Variants in RACGAP1 observed in about 807,000 individuals in gnomAD.
RACGAP1 encodes Rac GTPase activating protein 1, also known as rac GTPase-activating protein 1.
In RACGAP1, 30 loss-of-function variants were observed where a neutral mutation model predicts 78.1. The observed-to-expected ratio is 0.38, with a 90% CI of 0.29 to 0.52. The LOEUF (loss-of-function observed/expected upper bound fraction) is 0.52. RACGAP1 is among the 20% of genes least tolerant of loss of function. The pLI is 0.82. For synonymous variants in RACGAP1, 231 were observed against 264.8 expected, an observed-to-expected ratio of 0.87 and a Z score of 1.24; for missense variants, 587 against 777.1, an observed-to-expected ratio of 0.76 and a Z score of 2.91.
intron 1 of RACGAP1, among the ~76,000 whole-genome samples, chr12:50,020,389 G>A (rs1949943103): frequency 6.6e-6 from 1 of 150,642 alleles, no homozygotes; most frequent in Admixed American, 6.7e-5. Flanking sequence ...TCACCAAGTT[G>A]GTCAGGCTGG....
rs7294518 is a variant in RACGAP1 at position 49,994,087 on chromosome 12, C to T, written c.1339+44G>A. On this transcript the variant is annotated intron_variant, in intron 12 of 16. Transcript: ENST00000312377. ...AAAATAAAGAGAGTAAGAAAAACTA[C>T]TGCCGTGGAGGAATTCATATTCAAG... 19,833 of 1,487,214 alleles carry T rather than the reference C, an allele frequency of 0.013. 2,315 individuals are homozygous for T. The African/African-American group carries it at 0.25, about 19-fold the overall frequency. The allele number at this position is 1,487,214 out of a possible 1,614,324, so 92.1% of individuals were successfully genotyped here.
At chr12:50,014,645 C>T (rs752566940) in intron 2 of RACGAP1, among the ~76,000 whole-genome samples, 24 of 152,174 alleles carry the variant, frequency 1.6e-4, no homozygotes, top group Non-Finnish European at 3.4e-4. Flanking sequence ...TTACTGCAAC[C>T]TCTGCCTCCC....
chr12:49,994,542 T>C (rs1432791073), intron 10 of RACGAP1, 33 bp from the exon 11 acceptor site: 2 of 1,600,896 alleles, frequency 1.2e-6, no homozygotes, highest in African/African-American at 2.7e-5. Flanking sequence ...AATTATTATT[T>C]ACGCCATGTA....
At chr12:50,017,076 T>C in intron 1 of RACGAP1, 2 of 1,018,836 alleles carry the variant, frequency 2.0e-6, no homozygotes, top group Non-Finnish European at 2.3e-6. Context: ...ATAATAATTT[T>C]GCCAGTTTAT....
intron 1 of RACGAP1, chr12:50,018,640 CT>C: frequency 9.6e-7 from 1 of 1,041,006 alleles, no homozygotes; most frequent in Non-Finnish European, 1.3e-6. Context: ...TAAGGTATTA[CT>C]TTCTATCATC....
chr12:50,030,246 G>A (rs1227278374), upstream of RACGAP1, among the ~76,000 whole-genome samples: 4 of 151,558 alleles, frequency 2.6e-5, no homozygotes, highest in Non-Finnish European at 5.9e-5. Context: ...CTACTTGCAA[G>A]CCTGAGGCAG....
chr12:50,027,817 C>G (rs554688582), upstream of RACGAP1, among the ~76,000 whole-genome samples: 33 of 152,278 alleles, frequency 2.2e-4, no homozygotes, highest in African/African-American at 7.7e-4. Flanking sequence ...CAGGGCGTGA[C>G]TCCATCTCAA....
At chr12:50,027,396 G>C (rs1950288204), upstream of RACGAP1, among the ~76,000 whole-genome samples, 1 of 152,172 alleles carries the variant, frequency 6.6e-6, no homozygotes, top group Non-Finnish European at 1.5e-5. Context: ...TGGGGAGTGG[G>C]AGTGTTAAAA....
intron 16 of RACGAP1, 117 bp downstream of exon 16, chr12:49,990,567 T>TA: frequency 1.1e-6 from 1 of 890,654 alleles, no homozygotes; most frequent in Non-Finnish European, 1.8e-6. Context: ...CGTTCCCTTT[T>TA]AAAGTCTAGT....
At chr12:49,994,897 C>A (rs1312378511) in intron 10 of RACGAP1, among the ~76,000 whole-genome samples, 1 of 151,636 alleles carries the variant, frequency 6.6e-6, no homozygotes, top group Admixed American at 6.6e-5. Context: ...TTTTTTCTAA[C>A]AGAAGAAAGC....
At chr12:50,003,921 ATATTTT>A (rs1948827040) in intron 5 of RACGAP1, among the ~76,000 whole-genome samples, 1 of 152,230 alleles carries the variant, frequency 6.6e-6, no homozygotes, top group South Asian at 2.1e-4. Context: ...AGTCTTGCTA[ATATTTT>A]TATTATTAGC....
intron 12 of RACGAP1, among the ~76,000 whole-genome samples, chr12:49,993,917 C>T (rs1001874713): frequency 6.6e-6 from 1 of 151,838 alleles, no homozygotes; most frequent in African/African-American, 2.4e-5. Flanking sequence ...TGGTGGCACA[C>T]GCCTGTAATC....
intron 1 of RACGAP1, among the ~76,000 whole-genome samples, chr12:50,023,219 A>C (rs974100094): frequency 3.3e-5 from 5 of 152,214 alleles, no homozygotes; most frequent in Non-Finnish European, 7.3e-5. Context: ...CAAGGCTAGG[A>C]GTGCTATATT....
chr12:50,013,634 C>G (rs1471365602), intron 2 of RACGAP1, among the ~76,000 whole-genome samples: 1 of 152,222 alleles, frequency 6.6e-6, no homozygotes, highest in Non-Finnish European at 1.5e-5. Flanking sequence ...TCCCAAAGCA[C>G]GGTTCTGATT....
chr12:50,022,578 G>A (rs541748974), intron 1 of RACGAP1, among the ~76,000 whole-genome samples: 2 of 151,898 alleles, frequency 1.3e-5, no homozygotes, highest in African/African-American at 2.4e-5. Flanking sequence ...GTGAAACTCT[G>A]TCTCAAAAAA....
upstream of RACGAP1, among the ~76,000 whole-genome samples, chr12:50,029,944 GAC>G (rs1220855453): frequency 3.3e-5 from 5 of 152,114 alleles, no homozygotes; most frequent in African/African-American, 1.2e-4. Context: ...CAGAAATGAT[GAC>G]TATGTGAAGT....
chr12:50,020,191 T>C (rs1258623026), intron 1 of RACGAP1, among the ~76,000 whole-genome samples: 2 of 152,212 alleles, frequency 1.3e-5, no homozygotes, highest in African/African-American at 4.8e-5. Context: ...TTTGACTTTT[T>C]TTCTGAGACG....
chr12:49,992,316 T>C lies in RACGAP1; in HGVS notation c.1507A>G (p.Thr503Ala). Reference protein sequence around the residue: ...VANLAKVFGPTIVAHAVPNPD... With the variant: ...VANLAKVFGPAIVAHAVPNPD... Reference sequence around the variant, plus strand: ...TTGGGCACAGCATGGGCCACTATTGTAGGGCCAAAGACTTTAGCCAGATTG... The same window carrying C: ...TTGGGCACAGCATGGGCCACTATTGCAGGGCCAAAGACTTTAGCCAGATTG... The change falls in exon 14 of 17, where the codon ACA becomes GCA. Residue 503 changes from threonine to alanine, a missense_variant. Physicochemically the swap from Thr to Ala is moderately conservative, Grantham distance 58. Coordinates refer to ENST00000312377, the MANE Select transcript of RACGAP1 (RefSeq NM_001319999.2). 4 of 1,614,176 alleles carry C rather than the reference T, an allele frequency of 2.5e-6. No homozygotes were observed. The highest frequency in any genetic ancestry group is 3.4e-6 in the Non-Finnish European group (4 of 1,180,004).
chr12:50,027,095 T>C (rs1950282300), upstream of RACGAP1, among the ~76,000 whole-genome samples: 1 of 152,236 alleles, frequency 6.6e-6, no homozygotes, highest in Non-Finnish European at 1.5e-5. Context: ...CTCACAGGTT[T>C]ATTCCCAGAT....
Sources: allele counts gnomAD v4.1 joint callset (sites outside exome capture counted in the v4.1 genomes callset), GRCh38; gene constraint gnomAD v4.1.1; transcripts MANE v1.5; gene names NCBI Gene and HGNC (gene_info 2026-07-23, HGNC 2026-07-21).